Variants in DYRK4 observed in about 807,000 individuals in gnomAD.
DYRK4 encodes the protein dual specificity tyrosine-phosphorylation-regulated kinase 4.
In DYRK4, 64 loss-of-function variants were observed where a neutral mutation model predicts 68.3. The observed-to-expected ratio is 0.94, with a 90% CI of 0.77 to 1.15. The LOEUF (loss-of-function observed/expected upper bound fraction) is 1.15, where lower values mean the gene tolerates loss of function less well. DYRK4 is among the 50% of genes most tolerant of loss of function. DYRK4 has a pLI of 0.00. For missense variants in DYRK4, 740 were observed against 764.7 expected, an observed-to-expected ratio of 0.97 and a Z score of 0.38; for synonymous variants, 274 against 289.9, an observed-to-expected ratio of 0.95 and a Z score of 0.56.
Position 4,580,810 on chromosome 12 carries a change from T to A in DYRK4, c.133-8127T>A, listed in dbSNP as rs570521121. ...AGGCACTTAGGGATTTTTTTTTTTTTAAATGGGAAACAGGAAGAGACAAGG... is the reference window on the plus strand; with the variant it reads ...AGGCACTTAGGGATTTTTTTTTTTTAAAATGGGAAACAGGAAGAGACAAGG... On this transcript the variant is annotated intron_variant, in intron 2 of 14. Coordinates refer to ENST00000543431, the MANE Select transcript of DYRK4 (RefSeq NM_001394779.1). The A allele has an allele frequency of 7.0e-4, 316 of 453,022 alleles. 2 individuals are homozygous for A. The highest frequency in any genetic ancestry group is 5.6e-3 in the African/African-American group (275 of 49,524). The allele number at this position is 453,022 out of a possible 1,614,324, so 28.1% of individuals were successfully genotyped here. A position where few individuals can be genotyped will look rare whatever the true frequency, so the allele number is the denominator to read the frequency against.
chr12:4,588,914 C>T (rs775815465), intron 2 of DYRK4, 23 bp from the exon 3 acceptor site: 17 of 1,534,258 alleles, frequency 1.1e-5, no homozygotes, highest in African/African-American at 2.7e-5. Flanking sequence ...AGCATTGTTC[C>T]TATTTTCTTC....
intron 2 of DYRK4, among the ~76,000 whole-genome samples, chr12:4,582,037 G>T (rs939917630): frequency 6.6e-6 from 1 of 152,192 alleles, no homozygotes; most frequent in African/African-American, 2.4e-5. Context: ...AACAAAGTTT[G>T]TGCACGTGAG....
chr12:4,573,231 C>G (rs2137327215), intron 2 of DYRK4: 1 of 1,009,242 alleles, frequency 9.9e-7, no homozygotes, highest in East Asian at 6.0e-5. Context: ...ATCAGTGGCT[C>G]AATGAAGATA....
At chr12:4,599,270 C>A (rs1221108438) in intron 9 of DYRK4, 104 bp downstream of exon 9, 397 of 460,850 alleles carry the variant, frequency 8.6e-4, no homozygotes, top group Middle Eastern at 1.2e-3. Flanking sequence ...TTGCCTTTGA[C>A]TTTTTTTTTT....
chr12:4,575,264 A>C (rs1171020323), intron 2 of DYRK4, among the ~76,000 whole-genome samples: 10 of 131,304 alleles, frequency 7.6e-5, no homozygotes. Context: ...ATATTGTGTG[A>C]CTTTTTAGCT....
chr12:4,582,663 G>T lies in DYRK4; in HGVS notation c.133-6274G>T, dbSNP rs146564591. On this transcript the variant is annotated intron_variant, in intron 2 of 14. Transcript: ENST00000543431. ...GTGCTGCTATGGCTGGGGCCCAAATGCGGGTGAACGATGGGGACATGGACT... is the reference window on the plus strand; with the variant it reads ...GTGCTGCTATGGCTGGGGCCCAAATTCGGGTGAACGATGGGGACATGGACT... Among the ~76,000 whole-genome samples the T allele has an allele frequency of 2.2e-3, 332 of 152,260 alleles. 2 individuals are homozygous for T. Among genetic ancestry groups the T allele is most frequent in the African/African-American group, 7.6e-3 (316 of 41,554 alleles).
intron 2 of DYRK4, chr12:4,581,048 C>G (rs1591791501): frequency 3.0e-6 from 1 of 336,798 alleles, no homozygotes; most frequent in East Asian, 7.6e-5. Flanking sequence ...CTCTAACTAG[C>G]CCTAAATAGG....
At chr12:4,587,656 G>A (rs1033439243) in intron 2 of DYRK4, among the ~76,000 whole-genome samples, 6 of 152,168 alleles carry the variant, frequency 3.9e-5, no homozygotes, top group South Asian at 2.1e-4. Context: ...GCGAATTAAC[G>A]TGGTCTGAGA....
In DYRK4 at chr12:4,588,926, A is replaced by C; in HGVS notation, c.133-11A>C. On this transcript the variant is annotated splice_polypyrimidine_tract_variant and intron_variant, in intron 2 of 14. Transcript: ENST00000543431. Reference sequence around the variant, plus strand: ...CCAAGCATTGTTCCTATTTTCTTCCACTTGATCCAGGTTGGAAGTAAACTT... The same window carrying C: ...CCAAGCATTGTTCCTATTTTCTTCCCCTTGATCCAGGTTGGAAGTAAACTT... The C allele has an allele frequency of 1.3e-6, 2 of 1,535,866 alleles. No homozygotes were observed. The highest frequency in any genetic ancestry group is 8.7e-7 in the Non-Finnish European group (1 of 1,146,718).
At chr12:4,588,167 G>A (rs141234918) in intron 2 of DYRK4, among the ~76,000 whole-genome samples, 2 of 151,996 alleles carry the variant, frequency 1.3e-5, no homozygotes, top group African/African-American at 2.4e-5. Context: ...TCAAGTGATC[G>A]TCCCACCTCA....
chr12:4,571,073 C>A (rs537404834), intron 2 of DYRK4, among the ~76,000 whole-genome samples: 1 of 152,316 alleles, frequency 6.6e-6, no homozygotes, highest in South Asian at 2.1e-4. Context: ...TTTTCTGCAT[C>A]TCAGCATTGC....
intron 12 of DYRK4, among the ~76,000 whole-genome samples, chr12:4,608,188 A>C (rs1945175799): frequency 6.6e-6 from 1 of 152,192 alleles, no homozygotes; most frequent in South Asian, 2.1e-4. Context: ...AAACAGCCAG[A>C]GTGGGCTGAA....
chr12:4,573,133 T>C, intron 2 of DYRK4: 1 of 392,688 alleles, frequency 2.5e-6, no homozygotes, highest in South Asian at 2.1e-5. Flanking sequence ...TAAATGCAAA[T>C]GGAAGACTCG....
At chr12:4,602,004 G>T in intron 10 of DYRK4, 2 of 323,120 alleles carry the variant, frequency 6.2e-6, no homozygotes, top group Non-Finnish European at 1.2e-5. Flanking sequence ...AACAAAATAG[G>T]AATCATTTTA....
intron 2 of DYRK4, chr12:4,573,407 A>G: frequency 7.8e-7 from 1 of 1,286,648 alleles, no homozygotes; most frequent in Non-Finnish European, 1.0e-6. Context: ...TTAATTTCCA[A>G]TCAAAGAAAG....
At chr12:4,593,256 TG>T in intron 6 of DYRK4, 91 bp downstream of exon 6, 1 of 1,439,262 alleles carries the variant, frequency 6.9e-7, no homozygotes, top group South Asian at 1.3e-5. Flanking sequence ...TTGTAGTATT[TG>T]GGGCTGATAC....
At position 4,604,949 on chromosome 12, in the gene DYRK4, C is replaced by T. The variant is rs1263675812; in HGVS notation, c.1162C>T (p.Pro388Ser). 1.9e-6 allele frequency: 3 copies of T among 1,612,840 alleles called. No homozygotes were observed. The highest frequency in any genetic ancestry group is 2.5e-6 in the Non-Finnish European group (3 of 1,179,384). The stretch of plus-strand genomic sequence containing the variant: ...CATCCAAAGCCGGTTCTACCGATCC[C>T]CAGAAGTGATCCTGGGCCACCCCTA... ...TYIQSRFYRSPEVILGHPYDV... is the reference protein window; with the variant it reads ...TYIQSRFYRSSEVILGHPYDV... The change falls in exon 11 of 15, where the codon CCA (proline) becomes TCA (serine). Residue 388 changes from proline to serine, a missense_variant. Coordinates refer to ENST00000543431, the MANE Select transcript of DYRK4 (RefSeq NM_001394779.1).
At chr12:4,602,394 G>T in intron 10 of DYRK4, 2 of 920,766 alleles carry the variant, frequency 2.2e-6, no homozygotes, top group Non-Finnish European at 1.8e-6. Flanking sequence ...TTTCTGTCAA[G>T]GGGAAAGACA....
rs2137351752 is a variant in DYRK4, at chr12:4,585,674, T to C, written c.133-3263T>C. On this transcript the variant is annotated intron_variant, in intron 2 of 14. Transcript: ENST00000543431. ...GGATAACATTAGGAGATATACCTAA[T>C]GTAAATGATGAGTTAATGGGTGCAG... Among the ~76,000 whole-genome samples, 2 of 152,284 alleles carry C rather than the reference T, an allele frequency of 1.3e-5. 1 individual carries two copies. Among genetic ancestry groups the C allele is most frequent in the Middle Eastern group, 6.8e-3 (2 of 294 alleles).
Sources: gnomAD v4.1 joint callset for allele counts (sites outside exome capture counted in the v4.1 genomes callset) on GRCh38, gnomAD v4.1.1 for gene constraint, MANE v1.5 for transcripts, NCBI Gene and HGNC (gene_info 2026-07-23, HGNC 2026-07-21) for gene names.